The following SLC24A2 variants were observed in gnomAD, a reference collection of about 807,000 sequenced individuals.
The protein encoded by SLC24A2 is sodium/potassium/calcium exchanger 2.
Under a neutral mutation model 62.0 loss-of-function variants are expected in SLC24A2, and 36 were observed. The ratio of observed to expected loss-of-function variants is 0.58; its 90% CI spans 0.44 to 0.77. SLC24A2 has a LOEUF of 0.77. Among genes scored for constraint, SLC24A2 ranks in the 30% least tolerant of loss-of-function variants. The pLI is 0.00. For synonymous variants in SLC24A2, 358 were observed against 294.0 expected, an observed-to-expected ratio of 1.22 and a Z score of -2.23; for missense variants, 846 against 817.9, an observed-to-expected ratio of 1.03 and a Z score of -0.42.
chr9:19,896,099 C>G, the SLC24A2 span: 1 of 621,980 alleles, frequency 1.6e-6, no homozygotes, highest in South Asian at 2.2e-5. Context: ...TTGGAGGACT[C>G]TACTTCCGCC....
the SLC24A2 span, among the ~76,000 whole-genome samples, chr9:19,849,419 T>C: frequency 6.6e-6 from 1 of 152,166 alleles, no homozygotes; most frequent in African/African-American, 2.4e-5. Context: ...TCAACTCAAT[T>C]TAAAAGTGTA....
the SLC24A2 span, among the ~76,000 whole-genome samples, chr9:19,850,449 C>G: frequency 6.6e-6 from 1 of 151,906 alleles, no homozygotes; most frequent in Non-Finnish European, 1.5e-5. Flanking sequence ...ATATGCATAC[C>G]TTTTATTTAT....
intron 2 of SLC24A2, among the ~76,000 whole-genome samples, chr9:19,714,448 T>C (rs1820800960): frequency 6.6e-6 from 1 of 152,070 alleles, no homozygotes. Context: ...CAAAATAAAA[T>C]AAAATAAAAT....
upstream of SLC24A2, among the ~76,000 whole-genome samples, chr9:19,792,158 G>C (rs1823326470): frequency 2.6e-5 from 4 of 152,128 alleles, no homozygotes; most frequent in South Asian, 8.3e-4. Context: ...ATTTAAAATA[G>C]GTTAGGAATA....
the SLC24A2 span, among the ~76,000 whole-genome samples, chr9:20,024,213 G>A: frequency 6.6e-6 from 1 of 152,166 alleles, no homozygotes; most frequent in African/African-American, 2.4e-5. Flanking sequence ...TAAACAAAAC[G>A]GAACTGTGCC....
intron 2 of SLC24A2, among the ~76,000 whole-genome samples, chr9:19,740,280 T>C (rs1821634489): frequency 6.6e-6 from 1 of 152,198 alleles, no homozygotes; most frequent in African/African-American, 2.4e-5. Context: ...TGTATAACAA[T>C]GTTCATAGTA....
the SLC24A2 span, among the ~76,000 whole-genome samples, chr9:20,053,546 G>T: frequency 6.6e-6 from 1 of 152,118 alleles, no homozygotes; most frequent in Non-Finnish European, 1.5e-5. Flanking sequence ...AAATTCATAT[G>T]TTGAAACCAA....
At chr9:19,755,023 C>CT (rs1194395512) in intron 2 of SLC24A2, among the ~76,000 whole-genome samples, 2 of 152,130 alleles carry the variant, frequency 1.3e-5, no homozygotes, top group African/African-American at 4.8e-5. Flanking sequence ...CCTCTCTAAC[C>CT]TTCTGAGCAG....
chr9:20,282,357 C>T, the SLC24A2 span, among the ~76,000 whole-genome samples: 1 of 152,004 alleles, frequency 6.6e-6, no homozygotes, highest in African/African-American at 2.4e-5. Flanking sequence ...AGTACTTTTT[C>T]TAATTTCAAA....
At chr9:19,603,261 A>G (rs1836888772) in intron 4 of SLC24A2, among the ~76,000 whole-genome samples, 1 of 152,170 alleles carries the variant, frequency 6.6e-6, no homozygotes. Context: ...TATAAATTGA[A>G]AGATTACATT....
intron 5 of SLC24A2, among the ~76,000 whole-genome samples, chr9:19,593,891 C>T (rs927043459): frequency 8.5e-5 from 13 of 152,106 alleles, no homozygotes; most frequent in African/African-American, 3.1e-4. Flanking sequence ...CCTTGGTTTT[C>T]TCCTCTTCAA....
intron 2 of SLC24A2, among the ~76,000 whole-genome samples, chr9:19,707,245 G>A (rs1429516995): frequency 1.3e-5 from 2 of 152,072 alleles, no homozygotes; most frequent in East Asian, 3.9e-4. Flanking sequence ...AACAGGCTCT[G>A]AAATTGTGGC....
chr9:20,079,611 C>G, the SLC24A2 span, among the ~76,000 whole-genome samples: 1 of 152,160 alleles, frequency 6.6e-6, no homozygotes, highest in African/African-American at 2.4e-5. Flanking sequence ...GGAACAATGA[C>G]AGCAGTATAC....
At chr9:20,019,155 A>AAGAAAGAAAGAGAG in the SLC24A2 span, among the ~76,000 whole-genome samples, 182 of 117,174 alleles carry the variant, frequency 1.6e-3, 12 homozygotes, top group African/African-American at 3.6e-3. Context: ...GAAAGAAAGA[A>AAGAAAGAAAGAGAG]AGAGAGAGAG....
At chr9:20,299,172 A>G in the SLC24A2 span, among the ~76,000 whole-genome samples, 1 of 152,188 alleles carries the variant, frequency 6.6e-6, no homozygotes, top group East Asian at 1.9e-4. Context: ...CAGGCCCATT[A>G]AAGGAATAAT....
At chr9:19,660,655 G>A (rs1819068870) in intron 2 of SLC24A2, among the ~76,000 whole-genome samples, 2 of 152,166 alleles carry the variant, frequency 1.3e-5, no homozygotes, top group Admixed American at 6.5e-5. Context: ...GTAACTGGAT[G>A]ATTTAGAAGC....
At chr9:20,305,500 A>C in the SLC24A2 span, among the ~76,000 whole-genome samples, 1 of 152,190 alleles carries the variant, frequency 6.6e-6, no homozygotes, top group Non-Finnish European at 1.5e-5. Flanking sequence ...TAAAAGATGT[A>C]GGTCAGGAGG....
the SLC24A2 span, among the ~76,000 whole-genome samples, chr9:20,069,593 G>A: frequency 1.1e-4 from 16 of 152,146 alleles, no homozygotes; most frequent in African/African-American, 3.6e-4. Context: ...CTTTCCCTCC[G>A]AAGGTAGCCA....
At chr9:19,725,955 C>T (rs1305936462) in intron 2 of SLC24A2, among the ~76,000 whole-genome samples, 2 of 152,072 alleles carry the variant, frequency 1.3e-5, no homozygotes, top group South Asian at 2.1e-4. Context: ...TATATCCAGA[C>T]GTATAGAGCA....
Sources: gnomAD v4.1 joint callset for allele counts (sites outside exome capture counted in the v4.1 genomes callset) on GRCh38, gnomAD v4.1.1 for gene constraint, MANE v1.5 for transcripts, NCBI Gene and HGNC (gene_info 2026-07-23, HGNC 2026-07-21) for gene names.